The following RBFOX3 variants were observed in gnomAD, a reference collection of about 807,000 sequenced individuals.
The protein encoded by RBFOX3 is RNA binding protein fox-1 homolog 3.
RBFOX3 carries 17 observed loss-of-function variants against 48.7 expected under a neutral mutation model. The observed-to-expected ratio is 0.35, with a 90% CI of 0.24 to 0.52. The LOEUF (loss-of-function observed/expected upper bound fraction) is 0.52. RBFOX3 is among the 20% of genes least tolerant of loss of function. The pLI, the probability that RBFOX3 is intolerant of heterozygous loss-of-function variation, is 0.94. For synonymous variants in RBFOX3, 212 were observed against 209.5 expected (o/e 1.01, Z -0.10); for missense variants, 382 against 497.5 (o/e 0.77, Z 2.21).
rs2078431390 is a variant in RBFOX3, at chr17:79,479,294, G to GC, written c.-175+3159dup. ...CAGGGAGAACCCAGGAGCTCGCGGG[G>GC]CAGGAGGGTGTCTACAGGCACACCT... On this transcript the variant is annotated intron_variant, in intron 2 of 14. Transcript: ENST00000693108. This position sits in a 1 kb window ranked among gnomAD's most constrained non-coding sequence, Gnocchi z 5.1. Among the ~76,000 whole-genome samples the GC allele has an allele frequency of 6.6e-6, 1 of 152,188 alleles. No homozygotes were observed. The highest frequency in any genetic ancestry group is 2.1e-4 in the South Asian group (1 of 4,828).
intron 3 of RBFOX3, among the ~76,000 whole-genome samples, chr17:79,250,719 C>T (rs1168455620): frequency 6.6e-6 from 1 of 152,156 alleles, no homozygotes; most frequent in Non-Finnish European, 1.5e-5. Context: ...CGGCAGCCAC[C>T]CCTGTGCTTG....
chr17:79,275,685 A>G (rs928382496), intron 3 of RBFOX3, among the ~76,000 whole-genome samples: 4 of 152,102 alleles, frequency 2.6e-5, no homozygotes, highest in African/African-American at 9.7e-5. Context: ...AGGACTTCAG[A>G]TCTGGTTACG....
chr17:79,395,824 G>A (rs555849244), intron 2 of RBFOX3, among the ~76,000 whole-genome samples: 36 of 152,224 alleles, frequency 2.4e-4, no homozygotes, highest in Non-Finnish European at 4.3e-4. Flanking sequence ...GGTGACTCAG[G>A]AGGCTTGAGA....
At position 79,391,365 on chromosome 17, in the gene RBFOX3, G is replaced by T. The variant is rs955167081; in HGVS notation, c.-174-83541C>A. ...TTAAACCCAGCACACCTGGGTTCAA[G>T]CTTCAGCTCTCCTTCCCACGATTGG... On this transcript the variant is annotated intron_variant, in intron 2 of 14. Transcript: ENST00000693108. The surrounding 1 kb of genome is among the most constrained non-coding windows in gnomAD (Gnocchi z 5.0). Among the ~76,000 whole-genome samples the T allele has an allele frequency of 6.6e-6, 1 of 152,148 alleles. No homozygotes were observed. Among genetic ancestry groups the T allele is most frequent in the Admixed American group, 6.5e-5 (1 of 15,274 alleles).
intron 2 of RBFOX3, among the ~76,000 whole-genome samples, chr17:79,458,373 T>C (rs549156662): frequency 6.6e-6 from 1 of 152,302 alleles, no homozygotes; most frequent in East Asian, 1.9e-4. Context: ...GTAACCACCA[T>C]GCAACCAGGA....
intron 1 of RBFOX3, among the ~76,000 whole-genome samples, chr17:79,581,766 C>T (rs2093068118): frequency 6.6e-6 from 1 of 152,234 alleles, no homozygotes; most frequent in South Asian, 2.1e-4. Flanking sequence ...TCTTGCTGTT[C>T]CAAGGAGTTT....
chr17:79,126,251 G>C lies in RBFOX3; in HGVS notation c.-33-10503C>G, dbSNP rs531118090. Among the ~76,000 whole-genome samples the C allele has an allele frequency of 2.6e-5, 4 of 152,360 alleles. No homozygotes were observed. In the South Asian group the frequency reaches 8.3e-4, roughly 32 times the overall value. On this transcript the variant is annotated intron_variant, in intron 4 of 14. Transcript: ENST00000693108. Reference sequence around the variant, plus strand: ...GAGGCTGTCAGCCCCACATATCCCTGTGATGGGGACCAGAACAGGACAGAC... The same window carrying C: ...GAGGCTGTCAGCCCCACATATCCCTCTGATGGGGACCAGAACAGGACAGAC...
intron 1 of RBFOX3, among the ~76,000 whole-genome samples, chr17:79,584,826 C>T (rs972551300): frequency 4.6e-5 from 7 of 151,686 alleles, no homozygotes. Flanking sequence ...AGTGCAGTGG[C>T]ACGATCTCAG....
chr17:79,289,771 T>C (rs2072857742), intron 3 of RBFOX3, among the ~76,000 whole-genome samples: 1 of 152,248 alleles, frequency 6.6e-6, no homozygotes, highest in South Asian at 2.1e-4. Flanking sequence ...TCAGGATTTA[T>C]ATAAAAAGGG....
chr17:79,140,866 C>A (rs148482982), intron 4 of RBFOX3, among the ~76,000 whole-genome samples: 156 of 152,282 alleles, frequency 1.0e-3, no homozygotes, highest in African/African-American at 3.3e-3. Context: ...ATTTGGGAAA[C>A]GGAGCCAGAT....
At chr17:79,326,891 C>G (rs1056136522) in intron 2 of RBFOX3, among the ~76,000 whole-genome samples, 4 of 152,276 alleles carry the variant, frequency 2.6e-5, no homozygotes, top group African/African-American at 4.8e-5. Flanking sequence ...CCACAGCCCA[C>G]TGAGGTGGGC....
intron 1 of RBFOX3, among the ~76,000 whole-genome samples, chr17:79,539,304 A>T (rs1249883623): frequency 1.3e-5 from 2 of 152,196 alleles, no homozygotes; most frequent in Non-Finnish European, 2.9e-5. Flanking sequence ...GTGAGCCATG[A>T]TCGTACCACT....
At chr17:79,435,266 G>A (rs1376288906) in intron 2 of RBFOX3, among the ~76,000 whole-genome samples, 4 of 152,192 alleles carry the variant, frequency 2.6e-5, no homozygotes, top group African/African-American at 7.2e-5. Context: ...GGCACCACAT[G>A]GAGGTTGGAG....
chr17:79,266,591 G>T (rs1443408114), intron 3 of RBFOX3, among the ~76,000 whole-genome samples: 1 of 152,136 alleles, frequency 6.6e-6, no homozygotes, highest in African/African-American at 2.4e-5. Flanking sequence ...TCTTTAGAAA[G>T]TTATGAGATG....
chr17:79,612,349 C>A, upstream of RBFOX3, among the ~76,000 whole-genome samples: 1 of 152,238 alleles, frequency 6.6e-6, no homozygotes, highest in Middle Eastern at 3.4e-3. Flanking sequence ...TCCTGCTTTT[C>A]TGTGTGAGGT....
intron 2 of RBFOX3, among the ~76,000 whole-genome samples, chr17:79,455,947 A>G (rs1322350151): frequency 6.6e-6 from 1 of 152,032 alleles, no homozygotes; most frequent in Non-Finnish European, 1.5e-5. Context: ...CCTCAAGAAC[A>G]TCACACTGAT....
At chr17:79,517,184 G>A (rs930385536) in intron 1 of RBFOX3, among the ~76,000 whole-genome samples, 5 of 152,094 alleles carry the variant, frequency 3.3e-5, no homozygotes, top group Admixed American at 1.3e-4. Context: ...AGTGGCTTAC[G>A]TCTGTAATCC....
intron 2 of RBFOX3, among the ~76,000 whole-genome samples, chr17:79,446,010 G>A (rs1418959727): frequency 6.6e-6 from 1 of 152,202 alleles, no homozygotes; most frequent in Non-Finnish European, 1.5e-5. Context: ...CAGGGATGCT[G>A]CTCATCCTAC....
rs58282867 is a variant in RBFOX3, at chr17:79,420,128, TACACACACAC to T, written c.-175+62316_-175+62325del. Among the ~76,000 whole-genome samples the T allele has an allele frequency of 5.8e-3, 658 of 114,322 alleles. 7 individuals are homozygous for T. The highest frequency in any genetic ancestry group is 0.017 in the African/African-American group (481 of 28,344). 75.0% of individuals were successfully genotyped at this position (114,322 alleles called of 152,430 possible). Reference sequence around the variant, plus strand: ...GGCAACAGAGCAAGACTCCGTCTCATACACACACACACACACACACACACACACACACACA... The same window carrying T: ...GGCAACAGAGCAAGACTCCGTCTCATACACACACACACACACACACACACA... On this transcript the variant is annotated intron_variant, in intron 2 of 14. Transcript: ENST00000693108.
Sources: gnomAD v4.1 joint callset for allele counts (sites outside exome capture counted in the v4.1 genomes callset) on GRCh38, gnomAD v4.1.1 for gene constraint, Gnocchi (gnomAD v3.1) non-coding constraint, MANE v1.5 for transcripts, NCBI Gene and HGNC (gene_info 2026-07-23, HGNC 2026-07-21) for gene names.